The following ECE1 variants were observed in gnomAD, a reference collection of about 807,000 sequenced individuals.
ECE1 encodes endothelin converting enzyme 1, also known as endothelin-converting enzyme 1.
In ECE1, 35 loss-of-function variants were observed where a neutral mutation model predicts 98.6. That is an observed-to-expected ratio of 0.35 (90% confidence interval 0.27 to 0.47). The LOEUF (loss-of-function observed/expected upper bound fraction) is 0.47, where lower values mean the gene tolerates loss of function less well. ECE1 is among the 20% of genes least tolerant of loss of function. The pLI, the probability that ECE1 is intolerant of heterozygous loss-of-function variation, is 1.00. For synonymous variants in ECE1, 394 were observed against 407.1 expected, an observed-to-expected ratio of 0.97 and a Z score of 0.39; for missense variants, 814 against 1,025.3, an observed-to-expected ratio of 0.79 and a Z score of 2.81.
At chr1:21,269,811 A>T (rs2103316637) in intron 4 of ECE1, among the ~76,000 whole-genome samples, 1 of 152,366 alleles carries the variant, frequency 6.6e-6, no homozygotes, top group East Asian at 1.9e-4. Flanking sequence ...CACACGAGTG[A>T]TAAGCAGCTA....
chr1:21,292,297 C>A (rs371286096), upstream of ECE1, among the ~76,000 whole-genome samples: 1 of 150,370 alleles, frequency 6.7e-6, no homozygotes, highest in Admixed American at 6.6e-5. Flanking sequence ...GTGCTGCCAG[C>A]GCCCCCTCCC....
At chr1:21,232,059 G>A (rs1558371301) in intron 14 of ECE1, among the ~76,000 whole-genome samples, 1 of 152,222 alleles carries the variant, frequency 6.6e-6, no homozygotes, top group Non-Finnish European at 1.5e-5. Flanking sequence ...ATGTTCTGAA[G>A]GTAAAAGCCC....
At position 21,330,743 on chromosome 1, in the gene ECE1, C is replaced by T. The variant is rs59165652; in HGVS notation, c.3+14633G>A. Among the ~76,000 whole-genome samples the T allele has an allele frequency of 8.8e-3, 1,343 of 152,286 alleles. 23 individuals are homozygous for T. Among genetic ancestry groups the T allele is most frequent in the African/African-American group, 0.031 (1,283 of 41,560 alleles). On this transcript the variant is annotated intron_variant, in intron 1 of 18. Transcript: ENST00000415912. ...TCCTAGGCTAATCCTTCTTCCTCCC[C>T]CTGACTCAGGTCCTTTCCTTTCTGG... is the stretch of plus-strand genomic sequence containing the variant.
chr1:21,311,894 C>T (rs546539951), intron 1 of ECE1, among the ~76,000 whole-genome samples: 28 of 151,884 alleles, frequency 1.8e-4, no homozygotes, highest in Admixed American at 5.2e-4. Context: ...GAGGCTGAGG[C>T]GGGCAGATCA....
At chr1:21,283,729 C>A (rs561361238) in intron 2 of ECE1, among the ~76,000 whole-genome samples, 2 of 152,160 alleles carry the variant, frequency 1.3e-5, no homozygotes, top group African/African-American at 4.8e-5. Context: ...TGGAGCTGAC[C>A]CTCACTGTTT....
chr1:21,236,979 C>G (rs984681657), intron 11 of ECE1, 135 bp from the exon 12 acceptor site: 1 of 873,618 alleles, frequency 1.1e-6, no homozygotes, highest in African/African-American at 1.6e-5. Flanking sequence ...AGAAGGGGAG[C>G]CACAGCTGTG....
At chr1:21,326,725 C>T (rs889299004) in intron 1 of ECE1, among the ~76,000 whole-genome samples, 1 of 152,106 alleles carries the variant, frequency 6.6e-6, no homozygotes, top group African/African-American at 2.4e-5. Flanking sequence ...TAGGTGCCAA[C>T]TGGGGTGACA....
chr1:21,246,356 C>T lies in ECE1; in HGVS notation c.1163+865G>A, dbSNP rs150426029. ...CTCTACTAAAAATACAAACATTAGC[C>T]GGTGTGGTGGCAGGCGCCTATAATC... On this transcript the variant is annotated intron_variant, in intron 9 of 18. Coordinates refer to ENST00000374893, the MANE Select transcript of ECE1 (RefSeq NM_001397.3). 7.2e-3 allele frequency among the ~76,000 whole-genome samples: 1,088 copies of T among 151,380 alleles called. 19 individuals carry two copies. The highest frequency in any genetic ancestry group is 0.025 in the African/African-American group (1,020 of 41,254).
At chr1:21,310,254 A>G (rs1396059457) in intron 1 of ECE1, among the ~76,000 whole-genome samples, 2 of 151,914 alleles carry the variant, frequency 1.3e-5, no homozygotes, top group African/African-American at 4.8e-5. Flanking sequence ...CTTGTGTGTT[A>G]CCTTCACTCT....
At chr1:21,323,294 G>T (rs553944654) in intron 1 of ECE1, among the ~76,000 whole-genome samples, 2 of 152,166 alleles carry the variant, frequency 1.3e-5, no homozygotes, top group Non-Finnish European at 2.9e-5. Context: ...GAACCGGCGG[G>T]GGGAGGGTTA....
chr1:21,286,154 A>T (rs1362820089), intron 2 of ECE1, among the ~76,000 whole-genome samples: 3 of 152,238 alleles, frequency 2.0e-5, no homozygotes, highest in Admixed American at 6.5e-5. Context: ...GTTTTGGTAG[A>T]CATGGCCATC....
rs181440412 is a variant in ECE1, at chr1:21,302,630, T to C, written c.4-12474A>G. On this transcript the variant is annotated intron_variant, in intron 1 of 18. Transcript: ENST00000415912. ...GGCTCCAGAAATGACCACAGACCCT[T>C]TTCCCAACCCCCTGCCCTGAGGAAT... Among the ~76,000 whole-genome samples, 530 of 152,212 alleles carry C rather than the reference T, an allele frequency of 3.5e-3. 2 individuals are homozygous for C. Among genetic ancestry groups the C allele is most frequent in the African/African-American group, 0.012 (507 of 41,534 alleles).
chr1:21,329,628 T>C (rs1036766644), intron 1 of ECE1, among the ~76,000 whole-genome samples: 7 of 152,226 alleles, frequency 4.6e-5, no homozygotes, highest in African/African-American at 1.7e-4. Context: ...GCACAGTTCA[T>C]GTGCTCGGGG....
At chr1:21,251,040 G>A (rs925220218) in intron 8 of ECE1, among the ~76,000 whole-genome samples, 1 of 152,008 alleles carries the variant, frequency 6.6e-6, no homozygotes, top group Non-Finnish European at 1.5e-5. Context: ...TTGCAGATGG[G>A]GTAAGGTGAC....
chr1:21,230,305 G>A (rs2103224211), intron 14 of ECE1, among the ~76,000 whole-genome samples: 1 of 152,294 alleles, frequency 6.6e-6, no homozygotes, highest in East Asian at 1.9e-4. Flanking sequence ...AGAAGAACGT[G>A]CACAAGTACC....
chr1:21,301,154 G>A (rs1449176758), intron 1 of ECE1, among the ~76,000 whole-genome samples: 1 of 152,202 alleles, frequency 6.6e-6, no homozygotes, highest in Admixed American at 6.5e-5. Flanking sequence ...CATGGACCAA[G>A]CTTCCCTAGG....
At chr1:21,257,029 G>C (rs1195534832) in intron 7 of ECE1, among the ~76,000 whole-genome samples, 1 of 152,160 alleles carries the variant, frequency 6.6e-6, no homozygotes, top group African/African-American at 2.4e-5. Flanking sequence ...GGCAGGCCAG[G>C]GGGAGGGAGA....
chr1:21,326,159 G>T (rs1455495076), intron 1 of ECE1, among the ~76,000 whole-genome samples: 1 of 152,038 alleles, frequency 6.6e-6, no homozygotes, highest in Non-Finnish European at 1.5e-5. Flanking sequence ...GCCAACAATA[G>T]CTGCTTCCCA....
At chr1:21,224,997 C>A (rs557066127) in intron 17 of ECE1, among the ~76,000 whole-genome samples, 61 of 152,338 alleles carry the variant, frequency 4.0e-4, no homozygotes, top group African/African-American at 1.4e-3. Flanking sequence ...GCGGATGAAG[C>A]CCGAGCCCCT....
Sources: allele counts gnomAD v4.1 joint callset (sites outside exome capture counted in the v4.1 genomes callset), GRCh38; gene constraint gnomAD v4.1.1; transcripts MANE v1.5; gene names NCBI Gene and HGNC (gene_info 2026-07-23, HGNC 2026-07-21).